OSBP2: variants seen among roughly 807,000 people sequenced by gnomAD.
OSBP2 encodes the protein oxysterol binding protein 2.
Under a neutral mutation model 96.0 loss-of-function variants are expected in OSBP2, and 66 were observed. The ratio of observed to expected loss-of-function variants is 0.69; its 90% CI spans 0.56 to 0.84. The LOEUF is 0.84. Ranked by LOEUF, OSBP2 falls within the 40% of genes least tolerant of loss-of-function variation. OSBP2 has a pLI of 0.00. For synonymous variants in OSBP2, 525 were observed against 520.9 expected, an observed-to-expected ratio of 1.01 and a Z score of -0.11; for missense variants, 1,038 against 1,222.7, an observed-to-expected ratio of 0.85 and a Z score of 2.25.
At chr22:30,730,716 G>GTCTCCCTCTCTC (rs2089736933) in intron 1 of OSBP2, among the ~76,000 whole-genome samples, 1 of 19,962 alleles carries the variant, frequency 5.0e-5, no homozygotes, top group Non-Finnish European at 9.6e-5. Flanking sequence ...TCGCTGCCCT[G>GTCTCCCTCTCTC]TCTCTCTCTC....
intron 2 of OSBP2, among the ~76,000 whole-genome samples, chr22:30,765,066 A>AT (rs781117852): frequency 8.6e-5 from 13 of 151,800 alleles, no homozygotes; most frequent in South Asian, 2.1e-4. Context: ...TTTAATTTAA[A>AT]TTTTTTTTAT....
At position 30,863,059 on chromosome 22, in the gene OSBP2, G is replaced by C. The variant is rs531157963; in HGVS notation, c.854-7370G>C. ...ATGCCACACCCTTTCCTCTTCTGGG[G>C]GTGACACTTGCAGAATACCATGTAA... On this transcript the variant is annotated intron_variant, in intron 2 of 13. Transcript: ENST00000332585. 5.3e-5 allele frequency among the ~76,000 whole-genome samples: 8 copies of C among 152,246 alleles called. No individual in the cohort carries two copies. The East Asian group carries it at 1.5e-3, about 29-fold the overall frequency.
At chr22:30,902,310 G>A (rs1042787331) in intron 12 of OSBP2, 17 of 1,590,142 alleles carry the variant, frequency 1.1e-5, no homozygotes, top group African/African-American at 4.0e-5. Flanking sequence ...AGGAGTGTAC[G>A]GGTAGTCAGA....
intron 12 of OSBP2, among the ~76,000 whole-genome samples, chr22:30,895,354 C>T (rs1191380760): frequency 6.6e-6 from 1 of 152,028 alleles, no homozygotes; most frequent in African/African-American, 2.4e-5. Flanking sequence ...CTGAAAGGGC[C>T]TATAGCGTGC....
At chr22:30,850,306 C>CAAAA (rs145695204) in intron 2 of OSBP2, among the ~76,000 whole-genome samples, 111 of 121,136 alleles carry the variant, frequency 9.2e-4, no homozygotes, top group African/African-American at 3.4e-3. Context: ...GACTCTGTCT[C>CAAAA]AAAAAAAAAA....
chr22:30,712,869 C>G lies in OSBP2; in HGVS notation c.644+17316C>G, dbSNP rs538401716. On this transcript the variant is annotated intron_variant, in intron 1 of 13. Coordinates refer to ENST00000332585, the MANE Select transcript of OSBP2 (RefSeq NM_030758.4). Reference sequence around the variant, plus strand: ...GTGCCAGGCCTGCTTCTTGGGCTGCCAGTAAAGGAAGGAGCCCTGGTTTTT... The same window carrying G: ...GTGCCAGGCCTGCTTCTTGGGCTGCGAGTAAAGGAAGGAGCCCTGGTTTTT... Among the ~76,000 whole-genome samples, 33 of 152,122 alleles carry G rather than the reference C, an allele frequency of 2.2e-4. No individual in the cohort carries two copies. In the South Asian group the frequency reaches 6.6e-3, roughly 31 times the overall value.
intron 2 of OSBP2, among the ~76,000 whole-genome samples, chr22:30,778,303 GCACACACACACA>G (rs34574171): frequency 6.8e-6 from 1 of 146,528 alleles, no homozygotes; most frequent in Non-Finnish European, 1.5e-5. Context: ...GTGTGCATGT[GCACACACACACA>G]CACACACACA....
chr22:30,861,388 C>T (rs5997793), intron 2 of OSBP2, among the ~76,000 whole-genome samples: 260 of 152,266 alleles, frequency 1.7e-3, no homozygotes, highest in African/African-American at 5.8e-3. Flanking sequence ...TCAGAGAGCC[C>T]AGATGTGGTC....
intron 2 of OSBP2, among the ~76,000 whole-genome samples, chr22:30,860,894 C>A (rs1294878216): frequency 6.6e-6 from 1 of 152,206 alleles, no homozygotes; most frequent in African/African-American, 2.4e-5. Flanking sequence ...GTGTGACTTT[C>A]CTGAAGTGGG....
chr22:30,890,019 C>T lies in OSBP2; in HGVS notation c.1623+383C>T. Among the ~76,000 whole-genome samples the T allele has an allele frequency of 6.6e-6, 1 of 152,152 alleles. No homozygotes were observed. Among genetic ancestry groups the T allele is most frequent in the East Asian group, 1.9e-4 (1 of 5,172 alleles). On this transcript the variant is annotated intron_variant, in intron 7 of 13. Coordinates refer to ENST00000332585, the MANE Select transcript of OSBP2 (RefSeq NM_030758.4). The surrounding 1 kb of genome is among the most constrained non-coding windows in gnomAD (Gnocchi z 4.4). The stretch of plus-strand genomic sequence containing the variant: ...TTCAGCTGGCAGCCATCCCTGGTGC[C>T]ATCCCCAGGAAATGCAGGCTCAGAG...
chr22:30,892,987 G>A, intron 8 of OSBP2, 135 bp from the exon 9 acceptor site: 1 of 1,169,610 alleles, frequency 8.5e-7, no homozygotes, highest in Admixed American at 2.3e-5. Flanking sequence ...GGCCACCTGA[G>A]GAACAGCCAG....
At chr22:30,714,667 A>C (rs578109434) in intron 1 of OSBP2, among the ~76,000 whole-genome samples, 1 of 152,098 alleles carries the variant, frequency 6.6e-6, no homozygotes, top group African/African-American at 2.4e-5. Flanking sequence ...CCCAGGCTGG[A>C]GTGCAATGGT....
Position 30,893,986 on chromosome 22 carries a change from A to G in OSBP2, c.2360A>G (p.Lys787Arg). 6.3e-7 allele frequency: 1 copy of G among 1,596,986 alleles called. No individual in the cohort carries two copies. Among genetic ancestry groups the G allele is most frequent in the Non-Finnish European group, 8.5e-7 (1 of 1,172,330 alleles). ...ACCCTGTCAGCCAAGCTGCTGTGGA[A>G]GAAGTACCCGCTGCCGTGAGTAGGG... ...YQTLSAKLLW[K>R]KYPLPENAEN... Residue 787 changes from lysine (K) to arginine (R), a missense_variant, in exon 12 of 14, where the codon AAG (lysine) becomes AGG (arginine). By Grantham distance (26) the Lys-to-Arg change is conservative. Coordinates refer to ENST00000332585, the MANE Select transcript of OSBP2 (RefSeq NM_030758.4).
chr22:30,721,508 T>C (rs4820897), intron 1 of OSBP2, among the ~76,000 whole-genome samples: 26,791 of 152,078 alleles, frequency 0.18, 3,031 homozygotes, highest in South Asian at 0.43. Flanking sequence ...CAGACTCTGT[T>C]TGGGGAGTCT....
intron 2 of OSBP2, among the ~76,000 whole-genome samples, chr22:30,801,959 A>G (rs1343341224): frequency 1.3e-5 from 2 of 152,000 alleles, no homozygotes; most frequent in South Asian, 4.2e-4. Context: ...CCTGGGCAAC[A>G]GAGCAAGACC....
intron 2 of OSBP2, among the ~76,000 whole-genome samples, chr22:30,769,925 G>A (rs2090325976): frequency 6.6e-6 from 1 of 152,056 alleles, no homozygotes; most frequent in South Asian, 2.1e-4. Context: ...TGTTGAGGGT[G>A]GGGCCAGGTG....
At chr22:30,699,040 C>G (rs1045005322) in intron 1 of OSBP2, among the ~76,000 whole-genome samples, 1 of 152,112 alleles carries the variant, frequency 6.6e-6, no homozygotes, top group African/African-American at 2.4e-5. Context: ...CTCCCAGGTT[C>G]CAGTGATTCT....
chr22:30,730,809 A>ATACT (rs1569100787), intron 1 of OSBP2, among the ~76,000 whole-genome samples: 2 of 21,266 alleles, frequency 9.4e-5, no homozygotes, highest in African/African-American at 3.9e-4. Context: ...TATATATATA[A>ATACT]TTTTTTTTTT....
intron 2 of OSBP2, among the ~76,000 whole-genome samples, chr22:30,750,879 T>C (rs1447582161): frequency 1.3e-5 from 2 of 152,076 alleles, no homozygotes; most frequent in Admixed American, 6.6e-5. Flanking sequence ...TGAGTAGTTA[T>C]TATAGGCATG....
Sources: allele counts gnomAD v4.1 joint callset (sites outside exome capture counted in the v4.1 genomes callset), GRCh38; gene constraint gnomAD v4.1.1; non-coding constraint Gnocchi (gnomAD v3.1); transcripts MANE v1.5; gene names NCBI Gene and HGNC (gene_info 2026-07-23, HGNC 2026-07-21).